The following TARS2 variants were observed in gnomAD, a reference collection of about 807,000 sequenced individuals.
TARS2 encodes the protein threonyl-tRNA synthetase 2, mitochondrial.
In TARS2, 61 loss-of-function variants were observed where a neutral mutation model predicts 94.4. The observed-to-expected ratio is 0.65, with a 90% CI of 0.53 to 0.80. The LOEUF (loss-of-function observed/expected upper bound fraction) is 0.80. Ranked by LOEUF, TARS2 falls within the 30% of genes least tolerant of loss-of-function variation. The probability of loss-of-function intolerance (pLI) is 0.00; values close to 1 mark genes in which losing one functional copy is unlikely to be tolerated. For missense variants in TARS2, 704 were observed against 902.5 expected (o/e 0.78, Z 2.82); for synonymous variants, 359 against 353.4 (o/e 1.02, Z -0.18).
In TARS2 at chr1:150,492,154, C is replaced by T. The variant is rs994011511; in HGVS notation, c.696-257C>T. On this transcript the variant is annotated intron_variant, in intron 6 of 17. Coordinates refer to ENST00000369064, the MANE Select transcript of TARS2 (RefSeq NM_025150.5). ...CTAATTTTTATATTTTTAGTAGAGA[C>T]GGGGTTTCACCATATTGTCCAGGCT... 1.6e-5 allele frequency: 6 copies of T among 367,566 alleles called. No homozygotes were observed. The East Asian group carries it at 2.3e-4, about 14-fold the overall frequency. The allele number at this position is 367,566 out of a possible 1,614,324, so 22.8% of individuals were successfully genotyped here.
chr1:150,504,876 A>G, intron 15 of TARS2, 30 bp from the exon 16 acceptor site: 1 of 1,613,986 alleles, frequency 6.2e-7, no homozygotes, highest in East Asian at 2.2e-5. Flanking sequence ...AGAGTGACTA[A>G]TTTGCCATCA....
At position 150,487,498 on chromosome 1, in the gene TARS2, G is replaced by A; in HGVS notation, c.48G>A (p.Gln16=). 6.2e-7 allele frequency: 1 copy of A among 1,614,228 alleles called. No homozygotes were observed. Among genetic ancestry groups the A allele is most frequent in the Non-Finnish European group, 8.5e-7 (1 of 1,180,038 alleles). Residue 16 remains glutamine (Q), a synonymous_variant, in exon 1 of 18, where the codon CAG becomes CAA. Transcript: ENST00000369064. Reference sequence around the variant, plus strand: ...GGTGTCTCCGGCTCCAAGGTTTACAGGCTTGCAGGCTACACACGGTGCGTG... The same window carrying A: ...GGTGTCTCCGGCTCCAAGGTTTACAAGCTTGCAGGCTACACACGGTGCGTG... The part of the protein sequence containing the change: ...RWRCLRLQGL[Q]ACRLHTAVVS...
Position 150,497,697 on chromosome 1 carries a change from G to A in TARS2, c.1188G>A (p.Arg396=), listed in dbSNP as rs587738780. Residue 396 remains arginine, a synonymous_variant, in exon 10 of 18, where the codon AGG becomes AGA. Transcript: ENST00000369064. The part of the protein sequence containing the change: ...PPSSQSDDST[R]HITDTLALKP... Reference sequence around the variant, plus strand: ...GCTCCCAGAGTGACGATTCTACCAGGCATATCACAGATACACTCGCCCTCA... The same window carrying A: ...GCTCCCAGAGTGACGATTCTACCAGACATATCACAGATACACTCGCCCTCA... 3.8e-5 allele frequency: 61 copies of A among 1,614,106 alleles called. No individual in the cohort carries two copies. In the South Asian group the frequency reaches 6.3e-4, roughly 17 times the overall value.
At chr1:150,498,042 G>A (rs1457613695) in intron 10 of TARS2, among the ~76,000 whole-genome samples, 4 of 148,508 alleles carry the variant, frequency 2.7e-5, no homozygotes, top group South Asian at 4.2e-4. Context: ...GCAGTGAGCC[G>A]AGATCGCGCC....
intron 13 of TARS2, 48 bp downstream of exon 13, chr1:150,499,341 T>C (rs1277398509): frequency 4.4e-6 from 7 of 1,574,554 alleles, no homozygotes; most frequent in Non-Finnish European, 6.0e-6. Flanking sequence ...TTTTTTGCTT[T>C]GTTTTAGTAA....
chr1:150,487,499 G>A lies in TARS2; in HGVS notation c.49G>A (p.Ala17Thr), dbSNP rs367864616. ...GTGTCTCCGGCTCCAAGGTTTACAG[G>A]CTTGCAGGCTACACACGGTGCGTGA... ...WRCLRLQGLQ[A>T]CRLHTAVVST... Residue 17 changes from alanine (A) to threonine (T), a missense_variant, in exon 1 of 18, where the codon GCT becomes ACT. Ala to Thr is a moderately conservative substitution (Grantham distance 58). Around this residue, in one of 3 missense-constraint regions of TARS2, gnomAD observed 208 missense variants for 228.5 expected, o/e 0.91. Transcript: ENST00000369064. 1.5e-4 allele frequency: 236 copies of A among 1,614,112 alleles called. No homozygotes were observed. The highest frequency in any genetic ancestry group is 1.8e-4 in the Non-Finnish European group (212 of 1,180,044).
intron 1 of TARS2, 80 bp from the exon 2 acceptor site, chr1:150,487,778 C>A (rs1248380026): frequency 6.5e-7 from 1 of 1,537,690 alleles, no homozygotes; most frequent in Non-Finnish European, 8.8e-7. Flanking sequence ...TCCACTTAAC[C>A]ATCCCAAAGT....
At chr1:150,493,754 A>C (rs1471057965) in intron 7 of TARS2, among the ~76,000 whole-genome samples, 2 of 144,060 alleles carry the variant, frequency 1.4e-5, no homozygotes, top group African/African-American at 2.5e-5. Flanking sequence ...ACTCCGTCTC[A>C]AAAAAAAAAA....
In TARS2 at chr1:150,505,709, A is replaced by G; in HGVS notation, c.2008+4A>G. ...GCCCACTACAATTTTCAGTTTGGTA[A>G]GCTGAACCTCAGAGCCAATGTTCTC... On this transcript the variant is annotated splice_donor_region_variant and intron_variant, in intron 17 of 17. Coordinates refer to ENST00000369064, the MANE Select transcript of TARS2 (RefSeq NM_025150.5). 6.2e-7 allele frequency: 1 copy of G among 1,612,618 alleles called. No individual in the cohort carries two copies. Among genetic ancestry groups the G allele is most frequent in the African/African-American group, 1.3e-5 (1 of 74,992 alleles).
At chr1:150,504,544 A>G (rs1670109263) in intron 14 of TARS2, 88 bp from the exon 15 acceptor site, 3 of 1,574,162 alleles carry the variant, frequency 1.9e-6, no homozygotes, top group Non-Finnish European at 2.6e-6. Flanking sequence ...CCAGAGCTGA[A>G]TATTTCTTAA....
At chr1:150,493,445 T>G (rs1669493495) in intron 7 of TARS2, among the ~76,000 whole-genome samples, 1 of 152,046 alleles carries the variant, frequency 6.6e-6, no homozygotes, top group South Asian at 2.1e-4. Context: ...ATACCTTTAG[T>G]AAAGGGCATG....
rs1198863629 is a variant in TARS2 at position 150,487,945 on chromosome 1, A to G, written c.154A>G (p.Ser52Gly). 1 of 1,614,106 alleles carries G rather than the reference A, an allele frequency of 6.2e-7. No individual in the cohort carries two copies. Among genetic ancestry groups the G allele is most frequent in the Non-Finnish European group, 8.5e-7 (1 of 1,180,038 alleles). Residue 52 changes from serine to glycine, a missense_variant, in exon 2 of 18, where the codon AGC becomes GGC. By Grantham distance (56) the Ser-to-Gly change is moderately conservative (BLOSUM62 0). This residue lies in a region of TARS2 where 208 missense variants were observed against 228.5 expected (regional missense o/e 0.91). Transcript: ENST00000369064. ...GGCTGCTCAGGTAAAGAGATTAGCA[A>G]GCATGGCACAGAAGGAACCCCGGAC... ...LWAAQVKRLA[S>G]MAQKEPRTIK...
chr1:150,487,716 C>T (rs758776893), intron 1 of TARS2, 142 bp from the exon 2 acceptor site: 21 of 1,289,452 alleles, frequency 1.6e-5, no homozygotes, highest in Non-Finnish European at 2.1e-5. Flanking sequence ...GGACCCCCAG[C>T]CTAGGGTCTT....
chr1:150,493,218 C>T (rs1245136661), intron 7 of TARS2, among the ~76,000 whole-genome samples: 1 of 151,948 alleles, frequency 6.6e-6, no homozygotes, highest in African/African-American at 2.4e-5. Flanking sequence ...AAACTTTGTC[C>T]CCACATTCTA....
intron 9 of TARS2, 94 bp from the exon 10 acceptor site, chr1:150,497,436 A>G: frequency 8.2e-7 from 1 of 1,213,926 alleles, no homozygotes; most frequent in Admixed American, 1.8e-5. Flanking sequence ...TGCAATCAGC[A>G]TGGCCTGAGG....
chr1:150,504,963 G>A lies in TARS2; in HGVS notation c.1878G>A (p.Glu626=), dbSNP rs779627335. The change falls in exon 16 of 18, where the codon GAG becomes GAA. Residue 626 remains glutamate, a synonymous_variant. Coordinates refer to ENST00000369064, the MANE Select transcript of TARS2 (RefSeq NM_025150.5). ...TCATCCCTGTGGGGAGTGAGCAAGA[G>A]GAATACGCCAAAGAGGTAAGGAGTT... ...VVVIPVGSEQ[E]EYAKEAQQSL... 1 of 1,614,166 alleles carries A rather than the reference G, an allele frequency of 6.2e-7. No individual in the cohort carries two copies. Among genetic ancestry groups the A allele is most frequent in the East Asian group, 2.2e-5 (1 of 44,880 alleles).
intron 13 of TARS2, among the ~76,000 whole-genome samples, chr1:150,500,336 TC>T (rs765045632): frequency 2.0e-5 from 3 of 152,168 alleles, no homozygotes; most frequent in Non-Finnish European, 4.4e-5. Context: ...ACGCCTGTAA[TC>T]CCAGCACTTT....
intron 12 of TARS2, 65 bp from the exon 13 acceptor site, chr1:150,499,148 GACT>G: frequency 6.2e-7 from 1 of 1,608,426 alleles, no homozygotes; most frequent in Admixed American, 1.7e-5. Flanking sequence ...ATTTGTTGGG[GACT>G]GACCGGATGT....
intron 4 of TARS2, 134 bp downstream of exon 4, chr1:150,490,859 G>T: frequency 1.5e-6 from 2 of 1,301,620 alleles, no homozygotes; most frequent in Non-Finnish European, 2.1e-6. Flanking sequence ...TATGACATTA[G>T]TATCTCCTTC....
Sources: gnomAD v4.1 joint callset for allele counts (sites outside exome capture counted in the v4.1 genomes callset) on GRCh38, gnomAD v4.1.1 for gene constraint, gnomAD v4.1.1 regional missense constraint, MANE v1.5 for transcripts, NCBI Gene and HGNC (gene_info 2026-07-23, HGNC 2026-07-21) for gene names.